The following TLN2 variants were observed in gnomAD, a reference collection of about 807,000 sequenced individuals.
The protein encoded by TLN2 is talin 2.
Under a neutral mutation model 294.7 loss-of-function variants are expected in TLN2, and 118 were observed. The ratio of observed to expected loss-of-function variants is 0.40; its 90% CI spans 0.34 to 0.47. The LOEUF (loss-of-function observed/expected upper bound fraction) is 0.47, where lower values mean the gene tolerates loss of function less well. Ranked by LOEUF, TLN2 falls within the 20% of genes least tolerant of loss-of-function variation. The probability of loss-of-function intolerance (pLI) is 0.84; values close to 1 mark genes in which losing one functional copy is unlikely to be tolerated. For missense variants in TLN2, 3,083 were observed against 3,282.2 expected (o/e 0.94, Z 1.48); for synonymous variants, 1,431 against 1,304.5 (o/e 1.10, Z -2.09).
intron 14 of TLN2, among the ~76,000 whole-genome samples, chr15:62,695,909 G>A (rs2058294920): frequency 6.6e-6 from 1 of 152,176 alleles, no homozygotes. Flanking sequence ...AGCCCAGAGG[G>A]CTGGGACCTT....
intron 1 of TLN2, among the ~76,000 whole-genome samples, chr15:62,528,670 CT>C (rs3055755): frequency 0.14 from 13,529 of 96,076 alleles, 224 homozygotes; most frequent in African/African-American, 0.16. Context: ...CCAGAGCTTG[CT>C]TTTTTTTTTT....
chr15:62,415,187 C>T (rs1042204564), intron 1 of TLN2, among the ~76,000 whole-genome samples: 1 of 141,416 alleles, frequency 7.1e-6, no homozygotes, highest in African/African-American at 2.5e-5. Context: ...GGATTACAGG[C>T]GTGAGCCACT....
At chr15:62,779,979 A>G (rs1255273779) in intron 43 of TLN2, among the ~76,000 whole-genome samples, 3 of 152,186 alleles carry the variant, frequency 2.0e-5, no homozygotes, top group African/African-American at 7.2e-5. Flanking sequence ...CTAATTGACC[A>G]CTTGGCCCCA....
chr15:62,431,850 A>G (rs923677445), intron 1 of TLN2, among the ~76,000 whole-genome samples: 32 of 152,226 alleles, frequency 2.1e-4, no homozygotes, highest in African/African-American at 6.8e-4. Context: ...TGGTGTAAAT[A>G]TTTTGTGGAT....
intron 7 of TLN2, among the ~76,000 whole-genome samples, chr15:62,655,183 G>A (rs1405284523): frequency 3.3e-5 from 5 of 152,146 alleles, no homozygotes; most frequent in African/African-American, 1.2e-4. Context: ...CCCAGGTACT[G>A]TGGGAGATGT....
chr15:62,493,549 A>C (rs780643555), intron 1 of TLN2, among the ~76,000 whole-genome samples: 4 of 151,866 alleles, frequency 2.6e-5, no homozygotes, highest in Non-Finnish European at 5.9e-5. Context: ...AGGTCCCCCA[A>C]ATCCACTCAG....
In TLN2 at chr15:62,512,162, T is replaced by G. The variant is rs150259381; in HGVS notation, c.-237-77525T>G. Among the ~76,000 whole-genome samples the G allele has an allele frequency of 4.1e-3, 626 of 152,306 alleles. 2 individuals are homozygous for G. The highest frequency in any genetic ancestry group is 0.011 in the South Asian group (52 of 4,812). ...ACTTTGGATGATGTTTTTTACACTT[T>G]TGCCACATGACAGACTCTAGAGCCC... On this transcript the variant is annotated intron_variant, in intron 1 of 58. Transcript: ENST00000636159.
intron 1 of TLN2, among the ~76,000 whole-genome samples, chr15:62,555,029 T>A (rs1446996111): frequency 6.6e-6 from 1 of 152,082 alleles, no homozygotes; most frequent in Non-Finnish European, 1.5e-5. Flanking sequence ...GGTTAGGAAT[T>A]AGGAGATTTC....
chr15:62,724,890 C>T (rs1385732277), intron 26 of TLN2, 86 bp from the exon 27 acceptor site: 1 of 1,508,726 alleles, frequency 6.6e-7, no homozygotes, highest in Admixed American at 1.9e-5. Context: ...TGGGTATATC[C>T]AGAAGGGCAT....
intron 4 of TLN2, among the ~76,000 whole-genome samples, chr15:62,648,757 C>A (rs1237073585): frequency 2.0e-5 from 3 of 151,978 alleles, no homozygotes; most frequent in Non-Finnish European, 2.9e-5. Flanking sequence ...CCATGTTGGC[C>A]AGGATGGTCT....
At position 62,841,020 on chromosome 15, in the gene TLN2, T is replaced by TGAG. The variant is rs2070628972; in HGVS notation, c.*410_*411insGAG. 1 of 154,858 alleles carries TGAG rather than the reference T, an allele frequency of 6.5e-6. No individual in the cohort carries two copies. Among genetic ancestry groups the TGAG allele is most frequent in the Non-Finnish European group, 1.4e-5 (1 of 69,674 alleles). 9.6% of individuals were successfully genotyped at this position (154,858 alleles called of 1,614,324 possible). Reference sequence around the variant, plus strand: ...AATCATTGACGTCATAGAATATTCTTCTTCCTCTCAGGAGAAGACGGAAGC... The same window carrying TGAG: ...AATCATTGACGTCATAGAATATTCTTGAGCTTCCTCTCAGGAGAAGACGGAAGC... On this transcript the variant is annotated 3_prime_UTR_variant, in exon 59 of 59. Coordinates refer to ENST00000636159, the MANE Select transcript of TLN2 (RefSeq NM_015059.3).
At chr15:62,667,084 G>A (rs1460598312) in intron 9 of TLN2, among the ~76,000 whole-genome samples, 1 of 152,160 alleles carries the variant, frequency 6.6e-6, no homozygotes, top group Non-Finnish European at 1.5e-5. Context: ...TCCTGCCTCA[G>A]CCTCCCGAGT....
At chr15:62,718,964 A>T (rs765238604) in intron 24 of TLN2, among the ~76,000 whole-genome samples, 1 of 152,218 alleles carries the variant, frequency 6.6e-6, no homozygotes, top group African/African-American at 2.4e-5. Flanking sequence ...GAAAAATTCC[A>T]TGGAAATATT....
intron 1 of TLN2, among the ~76,000 whole-genome samples, chr15:62,534,436 C>G (rs975182103): frequency 3.3e-5 from 5 of 152,128 alleles, no homozygotes; most frequent in Admixed American, 1.3e-4. Flanking sequence ...AGGGAAACAT[C>G]ATGGAAAATA....
At chr15:62,782,745 T>A (rs1173129333) in intron 44 of TLN2, among the ~76,000 whole-genome samples, 1 of 152,236 alleles carries the variant, frequency 6.6e-6, no homozygotes, top group Non-Finnish European at 1.5e-5. Context: ...GACGTGTCCT[T>A]GTACACATGC....
chr15:62,761,534 A>G, intron 37 of TLN2, 147 bp from the exon 38 acceptor site: 1 of 1,106,702 alleles, frequency 9.0e-7, no homozygotes. Flanking sequence ...GGTCTCTTTC[A>G]TCAGTTCCTA....
chr15:62,751,819 C>T (rs1256457390), intron 34 of TLN2, among the ~76,000 whole-genome samples: 1 of 152,184 alleles, frequency 6.6e-6, no homozygotes, highest in Admixed American at 6.5e-5. Context: ...TACACCACAC[C>T]AGTGATTTTC....
intron 1 of TLN2, among the ~76,000 whole-genome samples, chr15:62,421,930 A>T (rs1349144187): frequency 6.6e-6 from 1 of 152,106 alleles, no homozygotes; most frequent in African/African-American, 2.4e-5. Flanking sequence ...TTATTACTGC[A>T]TTGGATAAGA....
At chr15:62,605,592 AG>A (rs1163216181) in intron 2 of TLN2, among the ~76,000 whole-genome samples, 1 of 151,952 alleles carries the variant, frequency 6.6e-6, no homozygotes, top group African/African-American at 2.4e-5. Flanking sequence ...CTGCTATGAG[AG>A]GCTGTTGAAT....
Sources: gnomAD v4.1 joint callset for allele counts (sites outside exome capture counted in the v4.1 genomes callset) on GRCh38, gnomAD v4.1.1 for gene constraint, MANE v1.5 for transcripts, NCBI Gene and HGNC (gene_info 2026-07-23, HGNC 2026-07-21) for gene names.